MTAP: variants seen among roughly 807,000 people sequenced by gnomAD.
MTAP encodes methylthioadenosine phosphorylase, also known as S-methyl-5'-thioadenosine phosphorylase.
MTAP carries 33 observed loss-of-function variants against 33.6 expected under a neutral mutation model. The ratio of observed to expected loss-of-function variants is 0.98; its 90% CI spans 0.74 to 1.31. The LOEUF is 1.31. MTAP is among the 40% of genes most tolerant of loss of function. The pLI is 0.00. For synonymous variants in MTAP, 148 were observed against 125.7 expected (o/e 1.18, Z -1.19); for missense variants, 367 against 360.0 (o/e 1.02, Z -0.16).
Position 21,883,374 on chromosome 9 carries a change from A to G in MTAP, c.147+28504A>G, listed in dbSNP as rs2118710843. Among the ~76,000 whole-genome samples, 3 of 152,236 alleles carry G rather than the reference A, an allele frequency of 2.0e-5. No homozygotes were observed. In the South Asian group the frequency reaches 6.2e-4, roughly 32 times the overall value. On this transcript the variant is annotated intron_variant, in intron 1 of 1. Transcript: ENST00000577563. ...AGTTGAACAAAAAATTAAGTATGAC[A>G]ACTCCAAGTTTGGGCAAAGATGTGG...
chr9:21,887,459 G>T (rs1455447186), intron 1 of MTAP, among the ~76,000 whole-genome samples: 1 of 151,968 alleles, frequency 6.6e-6, no homozygotes, highest in African/African-American at 2.4e-5. Context: ...TTTTATGGCT[G>T]CATAGTATTC....
At chr9:21,826,048 T>TC (rs1293849134) in intron 4 of MTAP, among the ~76,000 whole-genome samples, 1 of 152,210 alleles carries the variant, frequency 6.6e-6, no homozygotes, top group Non-Finnish European at 1.5e-5. Flanking sequence ...TAACCCCTTA[T>TC]CCGAGGTATG....
chr9:21,853,821 A>G (rs949861383), intron 5 of MTAP, among the ~76,000 whole-genome samples: 2 of 152,236 alleles, frequency 1.3e-5, no homozygotes, highest in African/African-American at 4.8e-5. Context: ...TAAGGCATAC[A>G]GAGATGATTT....
At chr9:21,933,823 T>A (rs1306498389), downstream of MTAP, 1 of 152,246 alleles carries the variant, frequency 6.6e-6, no homozygotes, top group East Asian at 1.9e-4. Flanking sequence ...AATATTTTTC[T>A]ACCTCTAGAG....
At chr9:21,914,165 A>G (rs9775112) in intron 1 of MTAP, among the ~76,000 whole-genome samples, 6,310 of 152,248 alleles carry the variant, frequency 0.041, 354 homozygotes, top group African/African-American at 0.13. Context: ...AAATAGGAAC[A>G]CTTTTACACT....
rs1221272033 is a variant in MTAP at position 21,818,391 on chromosome 9, G to C, written c.347+189G>C. ...CTCCCAGGCTGGAGTGCAGTGGCAT[G>C]AACTCAGCTCACTGAAACCTCCGCC... On this transcript the variant is annotated intron_variant, in intron 4 of 7. Coordinates refer to ENST00000644715, the MANE Select transcript of MTAP (RefSeq NM_002451.4). Among the ~76,000 whole-genome samples the C allele has an allele frequency of 3.1e-5, 4 of 126,986 alleles. No homozygotes were observed. The East Asian group carries it at 1.0e-3, about 33-fold the overall frequency. The allele number at this position is 126,986 out of a possible 152,430, so 83.3% of individuals were successfully genotyped here. A position where few individuals can be genotyped will look rare whatever the true frequency, so the allele number is the denominator to read the frequency against.
intron 1 of MTAP, among the ~76,000 whole-genome samples, chr9:21,911,266 G>T (rs542081147): frequency 1.4e-4 from 22 of 152,252 alleles, no homozygotes; most frequent in African/African-American, 4.8e-4. Context: ...ATTCAGCTCT[G>T]CACCAAGCAG....
Position 21,823,915 on chromosome 9 carries a change from T to G in MTAP, c.347+5713T>G, listed in dbSNP as rs529856421. On this transcript the variant is annotated intron_variant, in intron 4 of 7. Transcript: ENST00000644715. ...TGATGGAATCGGCTACTGAGGCTTG[T>G]GCATTCGTCACGTAGTTCTCGTACT... Among the ~76,000 whole-genome samples the G allele has an allele frequency of 5.4e-3, 821 of 152,380 alleles. 6 individuals carry two copies. Among genetic ancestry groups the G allele is most frequent in the Non-Finnish European group, 9.0e-3 (613 of 68,030 alleles).
chr9:21,816,812 A>T, intron 3 of MTAP, 40 bp downstream of exon 3: 1 of 1,525,710 alleles, frequency 6.6e-7, no homozygotes, highest in Non-Finnish European at 9.0e-7. Flanking sequence ...CTACTAAAGG[A>T]TAATTTAAAT....
rs1383409211 is a variant in MTAP, at chr9:21,818,171, G to A, written c.316G>A (p.Asp106Asn). The change falls in exon 4 of 8, where the codon GAT (aspartate) becomes AAT (asparagine). Residue 106 changes from aspartate (D) to asparagine (N), a missense_variant. Asp to Asn is a conservative substitution (Grantham distance 23). Coordinates refer to ENST00000644715, the MANE Select transcript of MTAP (RefSeq NM_002451.4). ...GSLREEIQPG[D>N]IVIIDQFIDR... ...CTTGAGGGAGGAGATTCAGCCCGGC[G>A]ATATTGTCATTATTGATCAGTTCAT... 1.9e-6 allele frequency: 3 copies of A among 1,613,908 alleles called. No individual in the cohort carries two copies. Among genetic ancestry groups the A allele is most frequent in the East Asian group, 2.2e-5 (1 of 44,852 alleles).
chr9:21,818,337 T>TTC (rs1824538345), intron 4 of MTAP, 135 bp downstream of exon 4: 1 of 813,298 alleles, frequency 1.2e-6, no homozygotes, highest in African/African-American at 2.0e-5. Flanking sequence ...TTTTTTTTTT[T>TTC]TTTTTTTGGA....
At chr9:21,827,702 G>A (rs185688774) in intron 4 of MTAP, among the ~76,000 whole-genome samples, 381 of 152,234 alleles carry the variant, frequency 2.5e-3, no homozygotes, top group Admixed American at 4.6e-3. Flanking sequence ...ACAGTTCCTG[G>A]CCCATCTTTG....
At chr9:21,880,546 C>T (rs544063153) in intron 1 of MTAP, among the ~76,000 whole-genome samples, 3 of 152,114 alleles carry the variant, frequency 2.0e-5, no homozygotes, top group Admixed American at 2.0e-4. Flanking sequence ...AATAAACAAG[C>T]TCAGCAAGGT....
At chr9:21,803,848 G>T (rs928404831) in intron 1 of MTAP, among the ~76,000 whole-genome samples, 2 of 152,120 alleles carry the variant, frequency 1.3e-5, no homozygotes, top group Non-Finnish European at 2.9e-5. Flanking sequence ...GAATTTCTGC[G>T]GTCAGTGTGT....
intron 1 of MTAP, among the ~76,000 whole-genome samples, chr9:21,916,080 A>AAAGGGAAGGAAGGAAGG (rs1818683900): frequency 8.5e-6 from 1 of 116,982 alleles, no homozygotes; most frequent in Non-Finnish European, 1.7e-5. Context: ...GGGAGGAAGG[A>AAAGGGAAGGAAGGAAGG]AAGGAAGGAA....
intron 6 of MTAP, among the ~76,000 whole-genome samples, chr9:21,855,699 C>G (rs1387483706): frequency 6.6e-6 from 1 of 152,012 alleles, no homozygotes; most frequent in Non-Finnish European, 1.5e-5. Flanking sequence ...AGGTCAGCTT[C>G]CAAAACAAAA....
intron 1 of MTAP, among the ~76,000 whole-genome samples, chr9:21,916,080 A>AAG (rs1554649335): frequency 8.5e-6 from 1 of 116,982 alleles, no homozygotes; most frequent in Non-Finnish European, 1.7e-5. Flanking sequence ...GGGAGGAAGG[A>AAG]AAGGAAGGAA....
chr9:21,938,485 G>A (rs1487876774), downstream of MTAP, among the ~76,000 whole-genome samples: 1 of 151,928 alleles, frequency 6.6e-6, no homozygotes, highest in Non-Finnish European at 1.5e-5. Context: ...AAGAAAAAAA[G>A]AGAATTGCAT....
rs369342496 is a variant in MTAP, at chr9:21,915,084, C to CTTTCTTTCTTTCTTTCTTT, written c.148-15924_148-15923insTTTCTTTCTTTCTTTCTTT. Among the ~76,000 whole-genome samples, 81 of 72,354 alleles carry CTTTCTTTCTTTCTTTCTTT rather than the reference C, an allele frequency of 1.1e-3. 7 individuals are homozygous for CTTTCTTTCTTTCTTTCTTT. The highest frequency in any genetic ancestry group is 7.7e-3 in the African/African-American group (73 of 9,456). The allele number at this position is 72,354 out of a possible 152,430, so 47.5% of individuals were successfully genotyped here. A position where few individuals can be genotyped will look rare whatever the true frequency, so the allele number is the denominator to read the frequency against. ...TCTTTCTTTCTTTCTTTCTTTCTTT[C>CTTTCTTTCTTTCTTTCTTT]CTTTCTTTCTTTTCTTTCGGCAGAG... On this transcript the variant is annotated intron_variant, in intron 1 of 1. Coordinates refer to the MTAP transcript ENST00000577563.
Sources: allele counts gnomAD v4.1 joint callset (sites outside exome capture counted in the v4.1 genomes callset), GRCh38; gene constraint gnomAD v4.1.1; transcripts MANE v1.5; gene names NCBI Gene and HGNC (gene_info 2026-07-23, HGNC 2026-07-21).